Variants in GON4L observed in about 807,000 individuals in gnomAD.
GON4L encodes the protein gon-4 like.
In GON4L, 87 loss-of-function variants were observed where a neutral mutation model predicts 211.8. The observed-to-expected ratio is 0.41, with a 90% CI of 0.35 to 0.49. The LOEUF is 0.49. Ranked by LOEUF, GON4L falls within the 20% of genes least tolerant of loss-of-function variation. The pLI, the probability that GON4L is intolerant of heterozygous loss-of-function variation, is 0.15. For synonymous variants in GON4L, 875 were observed against 962.6 expected (o/e 0.91, Z 1.68); for missense variants, 2,155 against 2,659.5 (o/e 0.81, Z 4.17).
intron 23 of GON4L, among the ~76,000 whole-genome samples, chr1:155,761,533 T>A (rs1055283351): frequency 1.3e-5 from 2 of 149,088 alleles, no homozygotes; most frequent in Non-Finnish European, 3.0e-5. Context: ...TGTCGCCCTG[T>A]CACCAAGGCT....
chr1:155,762,652 A>G (rs1050071919), intron 22 of GON4L, among the ~76,000 whole-genome samples: 1 of 152,236 alleles, frequency 6.6e-6, no homozygotes, highest in African/African-American at 2.4e-5. Context: ...AGTGCTTTTG[A>G]GAGACTATGT....
At chr1:155,858,566 C>T (rs140515386), upstream of GON4L, among the ~76,000 whole-genome samples, 791 of 150,712 alleles carry the variant, frequency 5.2e-3, 6 homozygotes, top group Middle Eastern at 0.01. Flanking sequence ...CTCTCTCATA[C>T]GAAACCCTAA....
Position 155,765,661 on chromosome 1 carries a change from G to A in GON4L, c.3812C>T (p.Pro1271Leu), listed in dbSNP as rs765050268. 5.6e-6 allele frequency: 9 copies of A among 1,614,092 alleles called. No homozygotes were observed. The highest frequency in any genetic ancestry group is 3.3e-5 in the Admixed American group (2 of 59,996). The change falls in exon 21 of 32, where the codon CCT (proline) becomes CTT (leucine). Residue 1271 changes from proline to leucine, a missense_variant. Physicochemically the swap from Pro to Leu is moderately conservative, Grantham distance 98. Transcript: ENST00000368331. ...VFPKVEHSPGPPLADAECQEG... is the reference protein window; with the variant it reads ...VFPKVEHSPGLPLADAECQEG... ...TTGGCACTCTGCATCTGCTAGTGGA[G>A]GCCCTGGGCTATGTTCCACTTTCGG... is the stretch of plus-strand genomic sequence containing the variant.
intron 11 of GON4L, among the ~76,000 whole-genome samples, chr1:155,803,444 C>T (rs1300580900): frequency 6.6e-6 from 1 of 152,002 alleles, no homozygotes; most frequent in Non-Finnish European, 1.5e-5. Flanking sequence ...AGGGTTTCAC[C>T]CTGTTGGCCA....
intron 2 of GON4L, among the ~76,000 whole-genome samples, chr1:155,847,810 G>A (rs1483486170): frequency 9.2e-5 from 14 of 152,128 alleles, no homozygotes; most frequent in Admixed American, 8.5e-4. Flanking sequence ...GGAGGCGGGG[G>A]TTGCGGTGAG....
At chr1:155,772,607 A>T (rs929803617) in intron 18 of GON4L, among the ~76,000 whole-genome samples, 38 of 151,110 alleles carry the variant, frequency 2.5e-4, no homozygotes, top group Non-Finnish European at 4.4e-4. Flanking sequence ...AAAAAAAAAA[A>T]TTTAGCCATG....
chr1:155,794,191 C>A (rs999209165), intron 12 of GON4L, among the ~76,000 whole-genome samples: 3 of 152,058 alleles, frequency 2.0e-5, no homozygotes, highest in Non-Finnish European at 2.9e-5. Flanking sequence ...TCTGCCTCAG[C>A]CTCCGGAGTA....
chr1:155,798,649 G>A lies in GON4L; in HGVS notation c.1646-3498C>T, dbSNP rs957290547. Among the ~76,000 whole-genome samples the A allele has an allele frequency of 2.0e-4, 26 of 133,140 alleles. 1 individual carries two copies. The South Asian group carries it at 2.9e-3, about 15-fold the overall frequency. The allele number at this position is 133,140 out of a possible 152,430, so 87.3% of individuals were successfully genotyped here. A position where few individuals can be genotyped will look rare whatever the true frequency, so the allele number is the denominator to read the frequency against. ...TTAGCCAGGATGGTCTCGATCTCCC[G>A]ACCTCATGATCTGCCTGCCTCAGCC... On this transcript the variant is annotated intron_variant, in intron 11 of 31. Coordinates refer to ENST00000368331, the MANE Select transcript of GON4L (RefSeq NM_001282860.2).
rs762691819 is a variant in GON4L, at chr1:155,814,408, T to G, written c.1203A>C (p.Pro401=). The part of the protein sequence containing the change: ...ESDVESTASS[P]RGAKKSRLRQ... Reference sequence around the variant, plus strand: ...TCAATCTGGATTTCTTTGCCCCACGTGGAGATGAAGCAGTGCTTTCAACAT... The same window carrying G: ...TCAATCTGGATTTCTTTGCCCCACGGGGAGATGAAGCAGTGCTTTCAACAT... Residue 401 remains proline, a synonymous_variant, in exon 9 of 32, where the codon CCA becomes CCC. Transcript: ENST00000368331. 3.7e-6 allele frequency: 6 copies of G among 1,613,524 alleles called. No individual in the cohort carries two copies. The South Asian group carries it at 5.5e-5, about 15-fold the overall frequency.
chr1:155,807,465 G>T (rs577552876), intron 10 of GON4L, among the ~76,000 whole-genome samples: 1 of 152,108 alleles, frequency 6.6e-6, no homozygotes, highest in East Asian at 1.9e-4. Flanking sequence ...CCCAGACTTT[G>T]GGAGGACAAG....
chr1:155,765,457 G>T lies in GON4L; in HGVS notation c.4016C>A (p.Ser1339Tyr). The change falls in exon 21 of 32, where the codon TCC becomes TAC. Residue 1339 changes from serine (S) to tyrosine (Y), a missense_variant. By Grantham distance (144) the Ser-to-Tyr change is moderately radical. Around this residue, in one of 6 missense-constraint regions of GON4L, gnomAD observed 615 missense variants for 625.7 expected, o/e 0.98. Coordinates refer to ENST00000368331, the MANE Select transcript of GON4L (RefSeq NM_001282860.2). ...PEEAREEISG[S>Y]PERDICDDIK... The stretch of plus-strand genomic sequence containing the variant: ...GTCATCACAAATATCACGCTCAGGG[G>T]ATCCACTGATTTCCTCTCTAGCTTC... 1 of 1,614,090 alleles carries T rather than the reference G, an allele frequency of 6.2e-7. No individual in the cohort carries two copies. The highest frequency in any genetic ancestry group is 1.1e-5 in the South Asian group (1 of 91,086).
At chr1:155,778,564 TTTTAAG>T (rs1378726072) in intron 14 of GON4L, among the ~76,000 whole-genome samples, 2 of 152,194 alleles carry the variant, frequency 1.3e-5, no homozygotes, top group Non-Finnish European at 1.5e-5. Flanking sequence ...AAAATTTTAA[TTTTAAG>T]TTTCAGAATA....
chr1:155,831,928 C>CA (rs1330924997), intron 2 of GON4L, among the ~76,000 whole-genome samples: 1 of 152,032 alleles, frequency 6.6e-6, no homozygotes, highest in Non-Finnish European at 1.5e-5. Flanking sequence ...CTAATACCTG[C>CA]AGTCAAGAAA....
Position 155,780,436 on chromosome 1 carries a change from T to C in GON4L, c.1893-2616A>G, listed in dbSNP as rs117185956. Among the ~76,000 whole-genome samples the C allele has an allele frequency of 2.5e-3, 383 of 151,376 alleles. 5 individuals are homozygous for C. In the East Asian group the frequency reaches 0.048, roughly 19 times the overall value. ...GCGAAACCCTGTCTCTATGAAAAAA[T>C]ACGAAAATTAGCTGGCCGTGGTGAT... On this transcript the variant is annotated intron_variant, in intron 14 of 31. Transcript: ENST00000368331.
At chr1:155,833,746 AGGAGGAGGGGAGGAAGGGAGGAGG>A (rs1670026797) in intron 2 of GON4L, among the ~76,000 whole-genome samples, 3 of 63,306 alleles carry the variant, frequency 4.7e-5, no homozygotes, top group Non-Finnish European at 8.7e-5. Flanking sequence ...AGGGGAGGAG[AGGAGGAGGGGAGGAAGGGAGGAGG>A]GGAGGAGGGG....
At position 155,820,597 on chromosome 1, in the gene GON4L, A is replaced by C; in HGVS notation, c.1014+9T>G. ...AAAAAAACCAACAACAAAAAAACAG[A>C]ATACTTACCACTCCTTTTTCCACTA... On this transcript the variant is annotated intron_variant, in intron 6 of 31. Transcript: ENST00000368331. 6.3e-7 allele frequency: 1 copy of C among 1,597,418 alleles called. No homozygotes were observed. The highest frequency in any genetic ancestry group is 1.1e-5 in the South Asian group (1 of 90,734).
intron 2 of GON4L, among the ~76,000 whole-genome samples, chr1:155,847,103 A>C (rs1671318800): frequency 6.6e-6 from 1 of 152,214 alleles, no homozygotes; most frequent in Admixed American, 6.5e-5. Context: ...AATGGAATAC[A>C]CAAATTCCGC....
At chr1:155,758,805 G>C (rs1174257466) in intron 24 of GON4L, among the ~76,000 whole-genome samples, 2 of 152,146 alleles carry the variant, frequency 1.3e-5, no homozygotes, top group Non-Finnish European at 2.9e-5. Context: ...CTTGAACCTG[G>C]GAGGCAGAGG....
At chr1:155,826,783 T>C in intron 3 of GON4L, 54 bp downstream of exon 3, 1 of 1,190,786 alleles carries the variant, frequency 8.4e-7, no homozygotes, top group East Asian at 2.3e-5. Context: ...GTTTTCTACA[T>C]ATTATACTTC....
Sources: allele counts gnomAD v4.1 joint callset (sites outside exome capture counted in the v4.1 genomes callset), GRCh38; gene constraint gnomAD v4.1.1; regional missense constraint gnomAD v4.1.1; transcripts MANE v1.5; gene names NCBI Gene and HGNC (gene_info 2026-07-23, HGNC 2026-07-21).